The following GABRA2 variants were observed in gnomAD, a reference collection of about 807,000 sequenced individuals.
GABRA2 encodes gamma-aminobutyric acid receptor subunit alpha-2.
GABRA2 carries 16 observed loss-of-function variants against 48.7 expected under a neutral mutation model. That is an observed-to-expected ratio of 0.33 (90% CI 0.22 to 0.50). The LOEUF (loss-of-function observed/expected upper bound fraction) is 0.50. GABRA2 is among the 20% of genes least tolerant of loss of function. GABRA2 has a pLI of 0.98. For missense variants in GABRA2, 275 were observed against 535.6 expected, an observed-to-expected ratio of 0.51 and a Z score of 4.80; for synonymous variants, 185 against 184.5, an observed-to-expected ratio of 1.00 and a Z score of -0.02.
At chr4:46,358,685 C>A (rs1035703312) in intron 3 of GABRA2, among the ~76,000 whole-genome samples, 2 of 152,108 alleles carry the variant, frequency 1.3e-5, no homozygotes, top group African/African-American at 2.4e-5. Context: ...ACACTCTTGG[C>A]CTTAGATTGA....
intron 8 of GABRA2, among the ~76,000 whole-genome samples, chr4:46,267,864 C>T (rs1350755955): frequency 1.3e-5 from 2 of 151,878 alleles, no homozygotes; most frequent in Non-Finnish European, 2.9e-5. Flanking sequence ...GTTTCAAGTG[C>T]CAAGATGTCA....
At chr4:46,306,527 C>G (rs1577987247) in intron 6 of GABRA2, among the ~76,000 whole-genome samples, 1 of 152,196 alleles carries the variant, frequency 6.6e-6, no homozygotes, top group Admixed American at 6.5e-5. Context: ...CACTGGGGAA[C>G]AGATAACCTC....
At chr4:46,299,744 T>G (rs553162322) in intron 8 of GABRA2, among the ~76,000 whole-genome samples, 1 of 151,386 alleles carries the variant, frequency 6.6e-6, no homozygotes, top group African/African-American at 2.4e-5. Flanking sequence ...TCATCTGAAA[T>G]TCTTCCCTCT....
At chr4:46,365,262 C>A (rs550226948) in intron 3 of GABRA2, 2 of 152,146 alleles carry the variant, frequency 1.3e-5, no homozygotes, top group African/African-American at 4.8e-5. Flanking sequence ...TCATTTAATT[C>A]TAGTGTATGA....
chr4:46,383,830 A>G (rs919594530), intron 3 of GABRA2, among the ~76,000 whole-genome samples: 1 of 152,194 alleles, frequency 6.6e-6, no homozygotes, highest in African/African-American at 2.4e-5. Context: ...TAAAAGCCAA[A>G]GGAATAGATG....
intron 3 of GABRA2, among the ~76,000 whole-genome samples, chr4:46,374,926 T>G (rs965506484): frequency 6.6e-5 from 10 of 152,092 alleles, no homozygotes; most frequent in African/African-American, 1.7e-4. Context: ...ATAAAAATAT[T>G]TATTAAATGG....
intron 3 of GABRA2, among the ~76,000 whole-genome samples, chr4:46,358,691 A>T (rs1712616837): frequency 6.6e-6 from 1 of 152,178 alleles, no homozygotes; most frequent in Non-Finnish European, 1.5e-5. Context: ...TTGGCCTTAG[A>T]TTGATACTTA....
intron 5 of GABRA2, among the ~76,000 whole-genome samples, chr4:46,310,916 C>G (rs1473441915): frequency 6.6e-6 from 1 of 152,114 alleles, no homozygotes; most frequent in Non-Finnish European, 1.5e-5. Flanking sequence ...ATAATGCAAA[C>G]TTCCAATTAT....
intron 3 of GABRA2, among the ~76,000 whole-genome samples, chr4:46,384,405 C>G (rs1329800750): frequency 6.6e-6 from 1 of 152,144 alleles, no homozygotes; most frequent in Non-Finnish European, 1.5e-5. Flanking sequence ...ATGTAAATCT[C>G]TATTTGAATG....
chr4:46,307,480 TATA>T (rs1726900591), intron 6 of GABRA2, among the ~76,000 whole-genome samples: 1 of 151,992 alleles, frequency 6.6e-6, no homozygotes, highest in Non-Finnish European at 1.5e-5. Context: ...ACTTTTGAAT[TATA>T]ATGTTTCTTT....
intron 3 of GABRA2, among the ~76,000 whole-genome samples, chr4:46,344,909 G>C (rs961100149): frequency 6.6e-6 from 1 of 151,734 alleles, no homozygotes; most frequent in African/African-American, 2.4e-5. Flanking sequence ...TATAGTTTAG[G>C]TAATCCTATT....
At chr4:46,257,008 A>T (rs1715972319) in intron 9 of GABRA2, among the ~76,000 whole-genome samples, 1 of 151,696 alleles carries the variant, frequency 6.6e-6, no homozygotes, top group African/African-American at 2.4e-5. Flanking sequence ...AAGGAATTAA[A>T]GTAAATACAT....
intron 4 of GABRA2, among the ~76,000 whole-genome samples, chr4:46,313,616 A>G (rs375214334): frequency 2.0e-5 from 3 of 150,686 alleles, no homozygotes; most frequent in African/African-American, 4.9e-5. Context: ...TCTTTACCCT[A>G]TCATTCTTAA....
chr4:46,359,578 T>G (rs1226965640), intron 3 of GABRA2, among the ~76,000 whole-genome samples: 1 of 152,176 alleles, frequency 6.6e-6, no homozygotes, highest in East Asian at 1.9e-4. Context: ...GTACTCTATA[T>G]GTTTTTCAAA....
intron 3 of GABRA2, among the ~76,000 whole-genome samples, chr4:46,362,911 C>T (rs2109965547): frequency 6.6e-6 from 1 of 152,244 alleles, no homozygotes; most frequent in Admixed American, 6.5e-5. Flanking sequence ...AACAAGAAGA[C>T]TTTGTATCTC....
chr4:46,292,513 A>G (rs551703069), intron 8 of GABRA2, among the ~76,000 whole-genome samples: 1 of 152,308 alleles, frequency 6.6e-6, no homozygotes, highest in Non-Finnish European at 1.5e-5. Flanking sequence ...ACTCTGATGA[A>G]TGGGATAATG....
intron 4 of GABRA2, among the ~76,000 whole-genome samples, chr4:46,326,498 C>CTTTT (rs397938834): frequency 7.3e-6 from 1 of 137,044 alleles, no homozygotes; most frequent in Non-Finnish European, 1.6e-5. Flanking sequence ...TGGTCTCTGC[C>CTTTT]TTTTTTTTTT....
In GABRA2 at chr4:46,250,476, G is replaced by C; in HGVS notation, c.1188C>G (p.Pro396=). ...TISKSATTPE[P]NKKPENKPAE... ...CTGGCTTGTTTTCTGGCTTCTTGTT[G>C]GGTTCTGGCGTGGTTGCACTCTTGG... is the stretch of plus-strand genomic sequence containing the variant. Residue 396 remains proline, a synonymous_variant, in exon 10 of 10, where the codon CCC becomes CCG. Transcript: ENST00000381620. The C allele has an allele frequency of 6.2e-7, 1 of 1,612,156 alleles. No individual in the cohort carries two copies. The highest frequency in any genetic ancestry group is 8.5e-7 in the Non-Finnish European group (1 of 1,178,728).
chr4:46,382,431 G>T (rs1309772459), intron 3 of GABRA2, among the ~76,000 whole-genome samples: 1 of 151,936 alleles, frequency 6.6e-6, no homozygotes, highest in Non-Finnish European at 1.5e-5. Context: ...TGACTGAAGC[G>T]ATGTTAGCAA....
Sources: allele counts gnomAD v4.1 joint callset (sites outside exome capture counted in the v4.1 genomes callset), GRCh38; gene constraint gnomAD v4.1.1; transcripts MANE v1.5; gene names NCBI Gene and HGNC (gene_info 2026-07-23, HGNC 2026-07-21).